Variants in FILIP1 observed in about 807,000 individuals in gnomAD.
FILIP1 encodes filamin-A-interacting protein 1.
A neutral mutation model predicts 102.1 loss-of-function variants in FILIP1; 61 were observed. The observed-to-expected ratio is 0.60, with a 90% CI of 0.49 to 0.74. FILIP1 has a LOEUF of 0.74. Among genes scored for constraint, FILIP1 ranks in the 30% least tolerant of loss-of-function variants. The pLI, the probability that FILIP1 is intolerant of heterozygous loss-of-function variation, is 0.00. For synonymous variants in FILIP1, 491 were observed against 526.9 expected (o/e 0.93, Z 0.93); for missense variants, 1,314 against 1,441.2 (o/e 0.91, Z 1.43).
At chr6:75,310,291 A>G (rs955362993) in intron 5 of FILIP1, among the ~76,000 whole-genome samples, 1 of 152,210 alleles carries the variant, frequency 6.6e-6, no homozygotes, top group Non-Finnish European at 1.5e-5. Flanking sequence ...TCCTTTGTAC[A>G]TACCTCTATC....
intron 3 of FILIP1, among the ~76,000 whole-genome samples, chr6:75,359,119 C>G (rs1346151482): frequency 6.6e-6 from 1 of 152,178 alleles, no homozygotes; most frequent in Non-Finnish European, 1.5e-5. Flanking sequence ...GATTCTCGTG[C>G]TTCAGCCTCC....
chr6:75,298,424 T>G (rs1255745557), intron 6 of FILIP1, among the ~76,000 whole-genome samples: 1 of 152,216 alleles, frequency 6.6e-6, no homozygotes, highest in Non-Finnish European at 1.5e-5. Context: ...TTATGTTGTT[T>G]TATATGGAGA....
chr6:75,360,126 A>G (rs1286525962), intron 3 of FILIP1, among the ~76,000 whole-genome samples: 2 of 152,214 alleles, frequency 1.3e-5, no homozygotes, highest in African/African-American at 4.8e-5. Context: ...GTAAGAGCAG[A>G]CTTACCAGAA....
At chr6:75,444,087 TAATTTTGTGATGGTCAATCC>T (rs1778363292) in intron 1 of FILIP1, among the ~76,000 whole-genome samples, 1 of 152,224 alleles carries the variant, frequency 6.6e-6, no homozygotes, top group African/African-American at 2.4e-5. Flanking sequence ...GACTCAAATA[TAATTTTGTGATGGTCAATCC>T]AATTTTACAT....
chr6:75,390,035 A>G (rs1452670891), intron 2 of FILIP1, among the ~76,000 whole-genome samples: 2 of 152,166 alleles, frequency 1.3e-5, no homozygotes, highest in East Asian at 3.9e-4. Context: ...ATACAGGTCC[A>G]TGGCTCCTAC....
intron 2 of FILIP1, among the ~76,000 whole-genome samples, chr6:75,411,356 A>G (rs1026012969): frequency 7.2e-5 from 11 of 152,096 alleles, no homozygotes; most frequent in Non-Finnish European, 1.2e-4. Context: ...ATTTTCTTCC[A>G]TTCTGTAGGT....
At position 75,353,683 on chromosome 6, in the gene FILIP1, T is replaced by C. The variant is rs894753104; in HGVS notation, c.485A>G (p.Tyr162Cys). 1 of 1,613,970 alleles carries C rather than the reference T, an allele frequency of 6.2e-7. No homozygotes were observed. Among genetic ancestry groups the C allele is most frequent in the Non-Finnish European group, 8.5e-7 (1 of 1,180,028 alleles). Residue 162 changes from tyrosine (Y) to cysteine (C), a missense_variant, in exon 4 of 6, where the codon TAC becomes TGC. By Grantham distance (194) the Tyr-to-Cys change is radical. This residue lies in a region of FILIP1 where 494 missense variants were observed against 511.2 expected (regional missense o/e 0.97). Coordinates refer to ENST00000237172, the MANE Select transcript of FILIP1 (RefSeq NM_015687.5). ...DRLEEKQKET[Y>C]RRMLEQLLLA... ...CAACAGCTGCTCTAGCATGCGCCGG[T>C]AGGTTTCTTTCTGTTTTTCCTCAAG...
chr6:75,415,098 A>T, intron 1 of FILIP1, 120 bp from the exon 2 acceptor site: 2 of 937,114 alleles, frequency 2.1e-6, no homozygotes, highest in Non-Finnish European at 1.6e-6. Context: ...AAATCAAATT[A>T]ACATGTCATT....
chr6:75,314,260 T>G lies in FILIP1; in HGVS notation c.1572A>C (p.Arg524Ser), dbSNP rs879623555. 13 of 1,556,378 alleles carry G rather than the reference T, an allele frequency of 8.4e-6. No individual in the cohort carries two copies. Among genetic ancestry groups the G allele is most frequent in the Non-Finnish European group, 1.0e-5 (12 of 1,162,720 alleles). ...AATTTTTATTGAGTCCATCCACTTTTCTCTCTTCTTGTTTTATTTTTTCCA... is the reference window on the plus strand; with the variant it reads ...AATTTTTATTGAGTCCATCCACTTTGCTCTCTTCTTGTTTTATTTTTTCCA... ...NMMEKIKQEERKVDGLNKNFK... is the reference protein window; with the variant it reads ...NMMEKIKQEESKVDGLNKNFK... The change falls in exon 5 of 6, where the codon AGA becomes AGC. Residue 524 changes from arginine to serine, a missense_variant. By Grantham distance (110) the Arg-to-Ser change is moderately radical. Transcript: ENST00000237172.
intron 2 of FILIP1, among the ~76,000 whole-genome samples, chr6:75,405,856 G>A (rs1776828912): frequency 6.6e-6 from 1 of 152,094 alleles, no homozygotes; most frequent in Non-Finnish European, 1.5e-5. Context: ...AATGAGACAG[G>A]GTGGAGCAGA....
chr6:75,298,018 A>C (rs185238782), intron 6 of FILIP1, among the ~76,000 whole-genome samples: 8 of 152,342 alleles, frequency 5.3e-5, no homozygotes, highest in Non-Finnish European at 1.0e-4. Context: ...GCTAGGATTA[A>C]GGCAATTTAG....
At chr6:75,302,361 G>C (rs1204878718) in intron 6 of FILIP1, among the ~76,000 whole-genome samples, 1 of 152,182 alleles carries the variant, frequency 6.6e-6, no homozygotes, top group East Asian at 1.9e-4. Context: ...GTTGCAAAGA[G>C]AGGAATCAGA....
chr6:75,344,395 A>G (rs542800197), intron 4 of FILIP1, among the ~76,000 whole-genome samples: 2 of 152,218 alleles, frequency 1.3e-5, no homozygotes, highest in Non-Finnish European at 2.9e-5. Flanking sequence ...ACATTATTTT[A>G]TCAATTTGAG....
At chr6:75,385,360 C>A (rs1776054615) in intron 2 of FILIP1, among the ~76,000 whole-genome samples, 1 of 152,026 alleles carries the variant, frequency 6.6e-6, no homozygotes, top group African/African-American at 2.4e-5. Flanking sequence ...CATTTGAATG[C>A]TATTGGGCGC....
intron 1 of FILIP1, among the ~76,000 whole-genome samples, chr6:75,436,367 GAA>G (rs1055766327): frequency 6.8e-6 from 1 of 146,904 alleles, no homozygotes. Flanking sequence ...CCTGTCTCAG[GAA>G]AAAAAAAAAA....
intron 1 of FILIP1, among the ~76,000 whole-genome samples, chr6:75,449,062 AGATATGGAACC>A (rs1319972879): frequency 1.3e-5 from 2 of 152,192 alleles, no homozygotes; most frequent in East Asian, 3.8e-4. Context: ...ATTGCAAAAA[AGATATGGAACC>A]AACCCAAATG....
intron 1 of FILIP1, among the ~76,000 whole-genome samples, chr6:75,423,829 A>G (rs1285252742): frequency 6.6e-6 from 1 of 152,176 alleles, no homozygotes; most frequent in Non-Finnish European, 1.5e-5. Context: ...GATCCAGAAA[A>G]TGCTTTCCAA....
intron 2 of FILIP1, among the ~76,000 whole-genome samples, chr6:75,406,721 G>A (rs879746383): frequency 3.2e-4 from 48 of 148,022 alleles, no homozygotes; most frequent in East Asian, 4.0e-4. Context: ...GTGTAGTGGC[G>A]CAACCTCGGC....
chr6:75,377,383 A>C (rs982005980), intron 2 of FILIP1, among the ~76,000 whole-genome samples: 1 of 152,204 alleles, frequency 6.6e-6, no homozygotes, highest in East Asian at 1.9e-4. Flanking sequence ...CCCTTTCAAT[A>C]TATTGGACCA....
Sources: allele counts gnomAD v4.1 joint callset (sites outside exome capture counted in the v4.1 genomes callset), GRCh38; gene constraint gnomAD v4.1.1; regional missense constraint gnomAD v4.1.1; transcripts MANE v1.5; gene names NCBI Gene and HGNC (gene_info 2026-07-23, HGNC 2026-07-21).